Variants in CYP39A1 observed in about 807,000 individuals in gnomAD.
CYP39A1 encodes the protein cytochrome P450 family 39 subfamily A member 1.
Under a neutral mutation model 58.1 loss-of-function variants are expected in CYP39A1, and 49 were observed. The ratio of observed to expected loss-of-function variants is 0.84; its 90% CI spans 0.67 to 1.07. The LOEUF (loss-of-function observed/expected upper bound fraction) is 1.07. Among genes scored for constraint, CYP39A1 ranks in the 50% least tolerant of loss-of-function variants. The pLI is 0.00. For synonymous variants in CYP39A1, 209 were observed against 187.6 expected, an observed-to-expected ratio of 1.11 and a Z score of -0.93; for missense variants, 531 against 539.4, an observed-to-expected ratio of 0.98 and a Z score of 0.16.
At position 46,606,860 on chromosome 6, in the gene CYP39A1, T is replaced by A. The variant is rs556927512; in HGVS notation, c.932-10740A>T. Among the ~76,000 whole-genome samples the A allele has an allele frequency of 3.3e-5, 5 of 152,320 alleles. No individual in the cohort carries two copies. In the East Asian group the frequency reaches 9.6e-4, roughly 29 times the overall value. On this transcript the variant is annotated intron_variant, in intron 7 of 11. Transcript: ENST00000275016. ...TCTATTACTTTAGCCATTGATTCAC[T>A]CAATGTAAATTTGCTCCATATCTGT...
intron 7 of CYP39A1, among the ~76,000 whole-genome samples, chr6:46,598,658 T>A (rs1474465386): frequency 6.6e-6 from 1 of 152,186 alleles, no homozygotes; most frequent in Non-Finnish European, 1.5e-5. Flanking sequence ...CATTGCTAAA[T>A]CAAATAGACA....
intron 7 of CYP39A1, among the ~76,000 whole-genome samples, chr6:46,611,608 T>A (rs1283533499): frequency 6.6e-6 from 1 of 152,162 alleles, no homozygotes; most frequent in Non-Finnish European, 1.5e-5. Context: ...CTCTCATATT[T>A]TAAAAAAGAG....
chr6:46,635,698 G>A (rs1775944204), intron 5 of CYP39A1, among the ~76,000 whole-genome samples: 1 of 152,138 alleles, frequency 6.6e-6, no homozygotes, highest in South Asian at 2.1e-4. Context: ...GGTACCACAG[G>A]TGTGTGCAAC....
At chr6:46,584,951 T>C (rs565881726) in intron 10 of CYP39A1, among the ~76,000 whole-genome samples, 81 of 152,180 alleles carry the variant, frequency 5.3e-4, no homozygotes, top group Non-Finnish European at 1.1e-3. Context: ...TTGTTTCTCA[T>C]GTGGGTTGAA....
In CYP39A1 at chr6:46,603,019, A is replaced by G. The variant is rs536453991; in HGVS notation, c.932-6899T>C. Among the ~76,000 whole-genome samples, 46 of 152,166 alleles carry G rather than the reference A, an allele frequency of 3.0e-4. 1 individual carries two copies. In the East Asian group the frequency reaches 8.7e-3, roughly 29 times the overall value. ...TTTTTAACTGGCCAGGATTTCATAA[A>G]TGGTTCAAAATTATATCATTTTTAC... On this transcript the variant is annotated intron_variant, in intron 7 of 11. Coordinates refer to ENST00000275016, the MANE Select transcript of CYP39A1 (RefSeq NM_016593.5).
chr6:46,579,848 T>A (rs1772026951), intron 10 of CYP39A1, among the ~76,000 whole-genome samples: 1 of 151,790 alleles, frequency 6.6e-6, no homozygotes, highest in Non-Finnish European at 1.5e-5. Context: ...AGGAAAGAAA[T>A]CAGATATGAC....
intron 10 of CYP39A1, among the ~76,000 whole-genome samples, chr6:46,565,061 TAA>T (rs1450358159): frequency 1.3e-5 from 2 of 152,072 alleles, no homozygotes; most frequent in Non-Finnish European, 2.9e-5. Flanking sequence ...GAGGGCTTGT[TAA>T]AACAGATTGC....
At chr6:46,585,217 T>C (rs1216756430) in intron 10 of CYP39A1, among the ~76,000 whole-genome samples, 1 of 152,102 alleles carries the variant, frequency 6.6e-6, no homozygotes, top group African/African-American at 2.4e-5. Flanking sequence ...CCTTGACCAT[T>C]GGCCCATACT....
chr6:46,639,322 C>T (rs1451542929), intron 3 of CYP39A1, among the ~76,000 whole-genome samples, 172 bp downstream of exon 3: 2 of 142,630 alleles, frequency 1.4e-5, no homozygotes, highest in African/African-American at 2.6e-5. Flanking sequence ...GGTGACAGAG[C>T]GAGACTCTAT....
chr6:46,614,397 G>A (rs762791005), intron 7 of CYP39A1, among the ~76,000 whole-genome samples: 4 of 152,138 alleles, frequency 2.6e-5, no homozygotes, highest in Admixed American at 6.5e-5. Flanking sequence ...TAGTCCTTCC[G>A]AGTTTCCATC....
At chr6:46,651,585 T>C (rs1475382713) in intron 1 of CYP39A1, among the ~76,000 whole-genome samples, 1 of 152,216 alleles carries the variant, frequency 6.6e-6, no homozygotes, top group Non-Finnish European at 1.5e-5. Flanking sequence ...TTTAATTTTC[T>C]ATATGTTTTT....
Position 46,631,038 on chromosome 6 carries a change from C to G in CYP39A1, c.765G>C (p.Glu255Asp). The part of the protein sequence containing the change: ...TLLQATLDIV[E>D]TETSKENSPN... ...GTGAGTTTTCCTTACTTGTTTCCGT[C>G]TCTACAATATCCAGCGTAGCTTGCA... is the stretch of plus-strand genomic sequence containing the variant. Residue 255 changes from glutamate to aspartate, a missense_variant, in exon 6 of 12, where the codon GAG (glutamate) becomes GAC (aspartate). Physicochemically the swap from Glu to Asp is conservative, Grantham distance 45 (BLOSUM62 2). Transcript: ENST00000275016. 1.2e-6 allele frequency: 2 copies of G among 1,613,972 alleles called. No individual in the cohort carries two copies. Among genetic ancestry groups the G allele is most frequent in the Non-Finnish European group, 1.7e-6 (2 of 1,179,968 alleles).
At chr6:46,565,351 T>C (rs1228939964) in intron 10 of CYP39A1, among the ~76,000 whole-genome samples, 1 of 151,986 alleles carries the variant, frequency 6.6e-6, no homozygotes, top group African/African-American at 2.4e-5. Flanking sequence ...AACTTTTGAT[T>C]GGGAATACTG....
In CYP39A1 at chr6:46,630,130, C is replaced by CAAAA. The variant is rs151149430; in HGVS notation, c.840+829_840+832dup. 7.3e-4 allele frequency among the ~76,000 whole-genome samples: 110 copies of CAAAA among 151,394 alleles called. 2 individuals carry two copies. The highest frequency in any genetic ancestry group is 2.3e-3 in the African/African-American group (93 of 41,078). On this transcript the variant is annotated intron_variant, in intron 6 of 11. Transcript: ENST00000275016. ...AAACAAAACAAAACAACAACAACAA[C>CAAAA]AAAAAAACCCACAAAAAACAGTTTT...
intron 10 of CYP39A1, among the ~76,000 whole-genome samples, chr6:46,570,488 C>G (rs974040444): frequency 2.6e-5 from 4 of 152,020 alleles, no homozygotes; most frequent in African/African-American, 9.7e-5. Flanking sequence ...CCCCTTAGAA[C>G]TGTGTTTGAT....
At chr6:46,615,908 A>G (rs1377059157) in intron 7 of CYP39A1, among the ~76,000 whole-genome samples, 1 of 151,564 alleles carries the variant, frequency 6.6e-6, no homozygotes, top group African/African-American at 2.4e-5. Flanking sequence ...CTCAAATCTC[A>G]CTTTGCCAAT....
intron 7 of CYP39A1, among the ~76,000 whole-genome samples, chr6:46,615,973 A>G (rs13219183): frequency 0.19 from 27,548 of 142,734 alleles, 3,099 homozygotes; most frequent in African/African-American, 0.29. Flanking sequence ...CCCATCCCTG[A>G]CATTCCTGAT....
chr6:46,631,482 T>C (rs1775657419), intron 5 of CYP39A1, among the ~76,000 whole-genome samples: 1 of 152,338 alleles, frequency 6.6e-6, no homozygotes, highest in East Asian at 1.9e-4. Context: ...GCACTTTGGA[T>C]CTCTACTTTA....
intron 10 of CYP39A1, among the ~76,000 whole-genome samples, chr6:46,563,006 A>G (rs1446394235): frequency 1.3e-5 from 2 of 152,026 alleles, no homozygotes; most frequent in Admixed American, 1.3e-4. Context: ...ATATTACATT[A>G]AGATTTTGAT....
Sources: allele counts gnomAD v4.1 joint callset (sites outside exome capture counted in the v4.1 genomes callset), GRCh38; gene constraint gnomAD v4.1.1; transcripts MANE v1.5; gene names NCBI Gene and HGNC (gene_info 2026-07-23, HGNC 2026-07-21).